The following ZNF608 variants were observed in gnomAD, a reference collection of about 807,000 sequenced individuals.
ZNF608 encodes renal carcinoma antigen NY-REN-36.
A neutral mutation model predicts 109.0 loss-of-function variants in ZNF608; 12 were observed. The ratio of observed to expected loss-of-function variants is 0.11; its 90% CI spans 0.07 to 0.18. The LOEUF is 0.18. ZNF608 is among the 10% of genes least tolerant of loss of function. ZNF608 has a pLI of 1.00. For missense variants in ZNF608, 1,707 were observed against 1,879.3 expected (o/e 0.91, Z 1.70); for synonymous variants, 732 against 717.4 (o/e 1.02, Z -0.33).
At position 124,647,058 on chromosome 5, in the gene ZNF608, T is replaced by C. The variant is rs1750545171; in HGVS notation, c.3326A>G (p.Tyr1109Cys). 1.2e-6 allele frequency: 2 copies of C among 1,614,106 alleles called. No homozygotes were observed. The highest frequency in any genetic ancestry group is 1.7e-6 in the Non-Finnish European group (2 of 1,179,980). Reference sequence around the variant, plus strand: ...CTGCTCTGCCAGCCTCTGGTCCTCATAGTACTTCTCATACTGCTGTCTATA... The same window carrying C: ...CTGCTCTGCCAGCCTCTGGTCCTCACAGTACTTCTCATACTGCTGTCTATA... Reference protein sequence around the residue: ...PAYRQQYEKYYEDQRLAEQKM... With the variant: ...PAYRQQYEKYCEDQRLAEQKM... The change falls in exon 5 of 10, where the codon TAT (tyrosine) becomes TGT (cysteine). Residue 1109 changes from tyrosine to cysteine, a missense_variant. Tyr to Cys is a radical substitution (Grantham distance 194, BLOSUM62 -2). This residue lies in a region of ZNF608 where 1,073 missense variants were observed against 1,133.5 expected (regional missense o/e 0.95). Coordinates refer to ENST00000513986, the MANE Select transcript of ZNF608 (RefSeq NM_020747.3).
At chr5:124,719,540 A>T (rs1753826406) in intron 2 of ZNF608, among the ~76,000 whole-genome samples, 1 of 152,198 alleles carries the variant, frequency 6.6e-6, no homozygotes, top group South Asian at 2.1e-4. Flanking sequence ...GGTGGGAAAA[A>T]CATTAGGAGA....
chr5:124,744,443 A>T lies in ZNF608; in HGVS notation c.547T>A (p.Ser183Thr). The change falls in exon 2 of 10, where the codon TCC (serine) becomes ACC (threonine). Residue 183 changes from serine (S) to threonine (T), a missense_variant. Physicochemically the swap from Ser to Thr is moderately conservative, Grantham distance 58. Around this residue, in one of 7 missense-constraint regions of ZNF608, gnomAD observed 407 missense variants for 398.7 expected, o/e 1.02. Transcript: ENST00000513986. The surrounding 1 kb of genome is among the most constrained non-coding windows in gnomAD (Gnocchi z 4.5). ...TTCTCCTCTTTGCTTTTCCCACAGG[A>T]GCCTGCCCCCGCGGTGGCGGCAGAG... ...STSAATAGAG[S>T]CGKSKEEKPG... 1 of 1,614,166 alleles carries T rather than the reference A, an allele frequency of 6.2e-7. No homozygotes were observed. Among genetic ancestry groups the T allele is most frequent in the Non-Finnish European group, 8.5e-7 (1 of 1,180,034 alleles).
Position 124,704,640 on chromosome 5 carries a change from C to A in ZNF608, c.907-3371G>T, listed in dbSNP as rs187810677. On this transcript the variant is annotated intron_variant, in intron 2 of 9. Coordinates refer to ENST00000513986, the MANE Select transcript of ZNF608 (RefSeq NM_020747.3). ...GAAAGAATTTAAATTTCTCCTATTTCGTAAAATAATTATTGGATTATGTGC... is the reference window on the plus strand; with the variant it reads ...GAAAGAATTTAAATTTCTCCTATTTAGTAAAATAATTATTGGATTATGTGC... Among the ~76,000 whole-genome samples, 450 of 152,114 alleles carry A rather than the reference C, an allele frequency of 3.0e-3. 1 individual carries two copies. Among genetic ancestry groups the A allele is most frequent in the Non-Finnish European group, 5.0e-3 (339 of 68,008 alleles).
chr5:124,637,698 T>C lies in ZNF608; in HGVS notation c.*202A>G. On this transcript the variant is annotated 3_prime_UTR_variant, in exon 10 of 10. Coordinates refer to ENST00000513986, the MANE Select transcript of ZNF608 (RefSeq NM_020747.3). ...ATATATATATGTATATATACAGATA[T>C]GTATACGTATATATATATAAAACAG... 3.6e-6 allele frequency: 1 copy of C among 279,094 alleles called. No individual in the cohort carries two copies. The highest frequency in any genetic ancestry group is 6.6e-6 in the Non-Finnish European group (1 of 152,426). The allele number at this position is 279,094 out of a possible 1,614,324, so 17.3% of individuals were successfully genotyped here.
At chr5:124,709,170 CA>C (rs1156276798) in intron 2 of ZNF608, among the ~76,000 whole-genome samples, 244 of 32,686 alleles carry the variant, frequency 7.5e-3, no homozygotes, top group East Asian at 0.022. Context: ...GACTCTGTCT[CA>C]AAAAAAAAAA....
chr5:124,746,338 A>G lies in ZNF608; in HGVS notation c.-327T>C, dbSNP rs1254514604. 1 of 985,304 alleles carries G rather than the reference A, an allele frequency of 1.0e-6. No individual in the cohort carries two copies. The highest frequency in any genetic ancestry group is 6.2e-5 in the Admixed American group (1 of 16,252). The allele number at this position is 985,304 out of a possible 1,614,324, so 61.0% of individuals were successfully genotyped here. On this transcript the variant is annotated 5_prime_UTR_variant, in exon 1 of 10. Coordinates refer to ENST00000513986, the MANE Select transcript of ZNF608 (RefSeq NM_020747.3). ...AACCAAATAACACATCTCAGCCAGA[A>G]TAATCACTCGATAACATTATTCCAC...
At chr5:124,684,256 G>T (rs1200831219) in intron 3 of ZNF608, among the ~76,000 whole-genome samples, 1 of 152,160 alleles carries the variant, frequency 6.6e-6, no homozygotes, top group Non-Finnish European at 1.5e-5. Flanking sequence ...CTGCCATGAA[G>T]AACACTCTAA....
chr5:124,716,381 A>G (rs145136810), intron 2 of ZNF608, among the ~76,000 whole-genome samples: 202 of 152,216 alleles, frequency 1.3e-3, no homozygotes, highest in African/African-American at 3.1e-3. Context: ...TCATTTAAAT[A>G]AGCAGCTTAG....
At chr5:124,675,626 G>T (rs1751915123) in intron 3 of ZNF608, among the ~76,000 whole-genome samples, 1 of 152,162 alleles carries the variant, frequency 6.6e-6, no homozygotes, top group Admixed American at 6.5e-5. Context: ...TTAATGACTT[G>T]TTTAAATGAC....
intron 3 of ZNF608, among the ~76,000 whole-genome samples, chr5:124,682,857 G>C (rs1752249876): frequency 6.6e-6 from 1 of 152,224 alleles, no homozygotes; most frequent in Non-Finnish European, 1.5e-5. Context: ...AATTACTTGT[G>C]ATGGCCCCTA....
intron 2 of ZNF608, among the ~76,000 whole-genome samples, chr5:124,713,894 T>A (rs1753595132): frequency 6.6e-6 from 1 of 152,094 alleles, no homozygotes; most frequent in South Asian, 2.1e-4. Context: ...CATCTCTGAA[T>A]GAAAAATAAT....
chr5:124,717,214 C>G (rs1223018836), intron 2 of ZNF608, among the ~76,000 whole-genome samples: 1 of 151,964 alleles, frequency 6.6e-6, no homozygotes, highest in Non-Finnish European at 1.5e-5. Context: ...GCCTGTAACC[C>G]CAGCATTTTG....
At chr5:124,683,142 A>T (rs368536755) in intron 3 of ZNF608, among the ~76,000 whole-genome samples, 1 of 152,154 alleles carries the variant, frequency 6.6e-6, no homozygotes, top group South Asian at 2.1e-4. Context: ...GTGAGGAATT[A>T]AAGCCTGCCA....
At chr5:124,696,370 A>C (rs1752850490) in intron 3 of ZNF608, among the ~76,000 whole-genome samples, 1 of 152,198 alleles carries the variant, frequency 6.6e-6, no homozygotes, top group East Asian at 1.9e-4. Flanking sequence ...TTAAAATGGT[A>C]GTCACTATCA....
At chr5:124,654,548 A>G (rs1308633816) in intron 3 of ZNF608, among the ~76,000 whole-genome samples, 1 of 152,124 alleles carries the variant, frequency 6.6e-6, no homozygotes, top group African/African-American at 2.4e-5. Flanking sequence ...AAAGACAGCC[A>G]TTCTCTCCTG....
At chr5:124,677,081 A>G (rs1751977886) in intron 3 of ZNF608, among the ~76,000 whole-genome samples, 1 of 152,190 alleles carries the variant, frequency 6.6e-6, no homozygotes, top group Non-Finnish European at 1.5e-5. Flanking sequence ...GTTTTAAAAT[A>G]TTATTTTGCA....
intron 3 of ZNF608, among the ~76,000 whole-genome samples, chr5:124,650,471 A>G (rs541199530): frequency 7.2e-5 from 11 of 152,326 alleles, no homozygotes; most frequent in Non-Finnish European, 1.5e-4. Context: ...AGAAATCTCA[A>G]AACTAACACA....
chr5:124,683,211 G>T (rs1752268826), intron 3 of ZNF608, among the ~76,000 whole-genome samples: 1 of 152,204 alleles, frequency 6.6e-6, no homozygotes. Flanking sequence ...GGGGTCTTCA[G>T]CTGACAGTAG....
intron 2 of ZNF608, among the ~76,000 whole-genome samples, chr5:124,707,511 C>T (rs1301410322): frequency 6.6e-6 from 1 of 152,174 alleles, no homozygotes; most frequent in Non-Finnish European, 1.5e-5. Context: ...TTACTTTGCT[C>T]AGAGCCAATA....
Sources: allele counts gnomAD v4.1 joint callset (sites outside exome capture counted in the v4.1 genomes callset), GRCh38; gene constraint gnomAD v4.1.1; regional missense constraint gnomAD v4.1.1; non-coding constraint Gnocchi (gnomAD v3.1); transcripts MANE v1.5; gene names NCBI Gene and HGNC (gene_info 2026-07-23, HGNC 2026-07-21).